Variants in FAM83D observed in about 807,000 individuals in gnomAD.
FAM83D encodes the protein scaffolding CK1 anchoring protein D, also known as protein FAM83D.
In FAM83D, 26 loss-of-function variants were observed where a neutral mutation model predicts 25.4. The ratio of observed to expected loss-of-function variants is 1.02; its 90% CI spans 0.75 to 1.42. The LOEUF (loss-of-function observed/expected upper bound fraction) is 1.42, where lower values mean the gene tolerates loss of function less well. FAM83D is among the 40% of genes most tolerant of loss of function. FAM83D has a pLI of 0.00. For synonymous variants in FAM83D, 310 were observed against 318.5 expected (o/e 0.97, Z 0.28); for missense variants, 740 against 758.1 (o/e 0.98, Z 0.28).
chr20:38,944,738 G>A (rs1054403362), intron 2 of FAM83D, among the ~76,000 whole-genome samples: 1 of 152,134 alleles, frequency 6.6e-6, no homozygotes, highest in Non-Finnish European at 1.5e-5. Flanking sequence ...AGGAGATCGA[G>A]ACCACCCTGG....
chr20:38,927,343 C>T (rs2085640415), intron 1 of FAM83D, among the ~76,000 whole-genome samples: 1 of 152,112 alleles, frequency 6.6e-6, no homozygotes, highest in Non-Finnish European at 1.5e-5. Flanking sequence ...AAAGAACTTA[C>T]GCAGGGAAAG....
intron 1 of FAM83D, among the ~76,000 whole-genome samples, chr20:38,930,958 A>G (rs980352604): frequency 1.3e-5 from 2 of 150,838 alleles, no homozygotes; most frequent in Non-Finnish European, 2.9e-5. Flanking sequence ...TTTAGTAGAG[A>G]TGGGTTTCGC....
rs763777625 is a variant in FAM83D at position 38,926,835 on chromosome 20, C to G, written c.393C>G (p.Val131=). The change falls in exon 1 of 4, where the codon GTC becomes GTG. Residue 131 remains valine (V), a synonymous_variant. Coordinates refer to ENST00000619850, the MANE Select transcript of FAM83D (RefSeq NM_030919.3). The part of the protein sequence containing the change: ...YQGAYRGATR[V]ETHFQPRGAG... ...GCGCCTACCGCGGCGCCACGCGTGT[C>G]GAGACGCACTTCCAGCCCCGCGGCG... 6.5e-7 allele frequency: 1 copy of G among 1,533,780 alleles called. No homozygotes were observed. The highest frequency in any genetic ancestry group is 8.7e-7 in the Non-Finnish European group (1 of 1,145,422).
chr20:38,948,269 G>A (rs771847032), intron 3 of FAM83D, among the ~76,000 whole-genome samples: 7 of 152,188 alleles, frequency 4.6e-5, no homozygotes, highest in Non-Finnish European at 8.8e-5. Flanking sequence ...TAGATTTCAA[G>A]CCTTGGCCCA....
intron 1 of FAM83D, among the ~76,000 whole-genome samples, chr20:38,929,168 A>G (rs2085648645): frequency 7.0e-6 from 1 of 143,840 alleles, no homozygotes; most frequent in Non-Finnish European, 1.5e-5. Context: ...ACAGAGCAAG[A>G]CTCCCTCTCG....
At chr20:38,946,264 T>C (rs1428039995) in intron 2 of FAM83D, among the ~76,000 whole-genome samples, 2 of 151,786 alleles carry the variant, frequency 1.3e-5, no homozygotes, top group East Asian at 3.9e-4. Flanking sequence ...TTTATCAAAG[T>C]TAAATTCAGA....
chr20:38,930,818 A>G (rs1336020494), intron 1 of FAM83D, among the ~76,000 whole-genome samples: 1 of 152,010 alleles, frequency 6.6e-6, no homozygotes, highest in Non-Finnish European at 1.5e-5. Flanking sequence ...TTGTATTTTT[A>G]GTAGAGATGG....
In FAM83D at chr20:38,946,218, A is replaced by C. The variant is rs1016901833; in HGVS notation, c.652-1658A>C. Among the ~76,000 whole-genome samples, 445 of 147,942 alleles carry C rather than the reference A, an allele frequency of 3.0e-3. 2 individuals are homozygous for C. The highest frequency in any genetic ancestry group is 0.01 in the African/African-American group (420 of 40,022). On this transcript the variant is annotated intron_variant, in intron 2 of 3. Coordinates refer to ENST00000619850, the MANE Select transcript of FAM83D (RefSeq NM_030919.3). Reference sequence around the variant, plus strand: ...ACCTCAAAAAAAAAAAAAAAAAAAAAAACAATTTTTTGTAGAATTTGGGTT... The same window carrying C: ...ACCTCAAAAAAAAAAAAAAAAAAAACAACAATTTTTTGTAGAATTTGGGTT...
chr20:38,942,154 C>G, intron 2 of FAM83D, 28 bp downstream of exon 2: 1 of 1,611,238 alleles, frequency 6.2e-7, no homozygotes. Flanking sequence ...TCCAGTTTCA[C>G]CATAGTCAAC....
At chr20:38,927,014 A>G in intron 1 of FAM83D, 89 bp downstream of exon 1, 1 of 1,395,442 alleles carries the variant, frequency 7.2e-7, no homozygotes, top group East Asian at 2.9e-5. Context: ...GGCCGGGGCC[A>G]CTACCTCCTC....
chr20:38,932,785 A>G (rs1388423662), intron 1 of FAM83D, among the ~76,000 whole-genome samples: 2 of 152,212 alleles, frequency 1.3e-5, no homozygotes, highest in Non-Finnish European at 2.9e-5. Flanking sequence ...TGGTACCACC[A>G]CGAGGTTCCA....
chr20:38,941,860 A>G (rs955879514), intron 1 of FAM83D, 99 bp from the exon 2 acceptor site: 1 of 1,186,450 alleles, frequency 8.4e-7, no homozygotes, highest in South Asian at 1.3e-5. Flanking sequence ...TTGGATAGGG[A>G]TCATTTCCCA....
In FAM83D at chr20:38,952,369, C is replaced by G. The variant is rs769538321; in HGVS notation, c.1607C>G (p.Ala536Gly). ...AACAAAGAGCGGCAATTCCACTTCGCTGGTATCAGGTCCCGGCTCAACCAC... is the reference window on the plus strand; with the variant it reads ...AACAAAGAGCGGCAATTCCACTTCGGTGGTATCAGGTCCCGGCTCAACCAC... Reference protein sequence around the residue: ...NLNKERQFHFAGIRSRLNHML... With the variant: ...NLNKERQFHFGGIRSRLNHML... The change falls in exon 4 of 4, where the codon GCT becomes GGT. Residue 536 changes from alanine to glycine, a missense_variant. Ala to Gly is a moderately conservative substitution (Grantham distance 60, BLOSUM62 0). This residue lies in a region of FAM83D where 375 missense variants were observed against 403.2 expected (regional missense o/e 0.93). Coordinates refer to ENST00000619850, the MANE Select transcript of FAM83D (RefSeq NM_030919.3). 9.9e-6 allele frequency: 16 copies of G among 1,614,194 alleles called. No individual in the cohort carries two copies. The South Asian group carries it at 1.6e-4, about 17-fold the overall frequency.
At chr20:38,947,162 C>T (rs529376650) in intron 2 of FAM83D, among the ~76,000 whole-genome samples, 2 of 152,220 alleles carry the variant, frequency 1.3e-5, no homozygotes, top group South Asian at 4.1e-4. Flanking sequence ...ATTTTGTATG[C>T]CATTGTTTAT....
At chr20:38,927,079 A>G (rs2085639263) in intron 1 of FAM83D, among the ~76,000 whole-genome samples, 154 bp downstream of exon 1, 1 of 151,866 alleles carries the variant, frequency 6.6e-6, no homozygotes, top group Non-Finnish European at 1.5e-5. Flanking sequence ...TCCGACTCAC[A>G]CCCCACTCTG....
chr20:38,945,388 C>T lies in FAM83D; in HGVS notation c.652-2488C>T, dbSNP rs369180975. ...GTGTACCTCTATGACATTCCCTAGT[C>T]GTTTTTCTTTTTTTAATTTTTATTT... On this transcript the variant is annotated intron_variant, in intron 2 of 3. Transcript: ENST00000619850. Among the ~76,000 whole-genome samples, 29 of 152,074 alleles carry T rather than the reference C, an allele frequency of 1.9e-4. No homozygotes were observed. The East Asian group carries it at 4.3e-3, about 22-fold the overall frequency.
At chr20:38,942,224 G>A (rs1217758104) in intron 2 of FAM83D, 98 bp downstream of exon 2, 3 of 1,328,520 alleles carry the variant, frequency 2.3e-6, no homozygotes, top group East Asian at 2.3e-5. Flanking sequence ...CTGTTTACAA[G>A]GAAGGGACTG....
intron 1 of FAM83D, among the ~76,000 whole-genome samples, chr20:38,940,055 G>A (rs549491033): frequency 1.2e-3 from 180 of 152,308 alleles, no homozygotes; most frequent in Middle Eastern, 3.4e-3. Flanking sequence ...TGAGTGGGAT[G>A]AATAGAACTG....
chr20:38,932,480 G>T (rs1446043306), intron 1 of FAM83D, among the ~76,000 whole-genome samples: 2 of 152,258 alleles, frequency 1.3e-5, no homozygotes, highest in African/African-American at 4.8e-5. Context: ...AAAATTGGAG[G>T]AAATACTGTT....
Sources: gnomAD v4.1 joint callset for allele counts (sites outside exome capture counted in the v4.1 genomes callset) on GRCh38, gnomAD v4.1.1 for gene constraint, gnomAD v4.1.1 regional missense constraint, MANE v1.5 for transcripts, NCBI Gene and HGNC (gene_info 2026-07-23, HGNC 2026-07-21) for gene names.